Variants in SH3RF1 observed in about 807,000 individuals in gnomAD.
SH3RF1 encodes the protein SH3 domain containing ring finger 1.
In SH3RF1, 32 loss-of-function variants were observed where a neutral mutation model predicts 74.0. The ratio of observed to expected loss-of-function variants is 0.43; its 90% CI spans 0.33 to 0.58. SH3RF1 has a LOEUF of 0.58. Ranked by LOEUF, SH3RF1 falls within the 20% of genes least tolerant of loss-of-function variation. The pLI is 0.05. For missense variants in SH3RF1, 954 were observed against 1,130.9 expected, an observed-to-expected ratio of 0.84 and a Z score of 2.24; for synonymous variants, 396 against 439.6, an observed-to-expected ratio of 0.90 and a Z score of 1.24.
At chr4:169,153,520 T>C (rs1460507552) in intron 4 of SH3RF1, among the ~76,000 whole-genome samples, 1 of 152,206 alleles carries the variant, frequency 6.6e-6, no homozygotes, top group Non-Finnish European at 1.5e-5. Context: ...TTTTTATTCC[T>C]ATAGTTTGCT....
At chr4:169,136,869 A>G (rs1362483839) in intron 4 of SH3RF1, among the ~76,000 whole-genome samples, 1 of 152,172 alleles carries the variant, frequency 6.6e-6, no homozygotes, top group Non-Finnish European at 1.5e-5. Context: ...GTAAAAGACA[A>G]TTTTCTTAAG....
At chr4:169,185,066 G>A (rs1734580884) in intron 2 of SH3RF1, among the ~76,000 whole-genome samples, 1 of 152,188 alleles carries the variant, frequency 6.6e-6, no homozygotes, top group African/African-American at 2.4e-5. Context: ...AAAGGACAAG[G>A]TTTAATAGGA....
intron 5 of SH3RF1, among the ~76,000 whole-genome samples, chr4:169,131,506 C>CT (rs532898001): frequency 5.1e-4 from 77 of 152,296 alleles, no homozygotes; most frequent in Admixed American, 1.7e-3. Flanking sequence ...GAACCAAAGT[C>CT]TATTTCCAAC....
chr4:169,200,854 A>T (rs1734895951), intron 2 of SH3RF1, among the ~76,000 whole-genome samples: 1 of 152,182 alleles, frequency 6.6e-6, no homozygotes, highest in Admixed American at 6.6e-5. Context: ...AGATGAGTAA[A>T]CTGGTAAGTT....
At chr4:169,121,950 C>T (rs189218514) in intron 7 of SH3RF1, 150 bp downstream of exon 7, 3 of 938,986 alleles carry the variant, frequency 3.2e-6, no homozygotes, top group East Asian at 5.3e-5. Context: ...TAGTTACATG[C>T]ATGACCAGGT....
intron 2 of SH3RF1, among the ~76,000 whole-genome samples, chr4:169,181,772 A>G (rs1734515727): frequency 6.6e-6 from 1 of 152,120 alleles, no homozygotes; most frequent in African/African-American, 2.4e-5. Flanking sequence ...CTCCTTTGGA[A>G]CTCTTCTAAG....
intron 5 of SH3RF1, 80 bp downstream of exon 5, chr4:169,136,238 C>G (rs1263358987): frequency 7.8e-7 from 1 of 1,286,960 alleles, no homozygotes. Flanking sequence ...CAATGTTTGT[C>G]AGCCAGTGAG....
chr4:169,111,951 T>C (rs1294263937), intron 10 of SH3RF1, among the ~76,000 whole-genome samples: 1 of 152,052 alleles, frequency 6.6e-6, no homozygotes, highest in East Asian at 1.9e-4. Flanking sequence ...GACTTCCAAA[T>C]AAAATACTGT....
Position 169,132,349 on chromosome 4 carries a change from A to G in SH3RF1, c.1069-2193T>C, listed in dbSNP as rs138651269. 2.5e-3 allele frequency among the ~76,000 whole-genome samples: 383 copies of G among 152,284 alleles called. 1 individual carries two copies. The highest frequency in any genetic ancestry group is 3.5e-3 in the Non-Finnish European group (236 of 68,008). On this transcript the variant is annotated intron_variant, in intron 5 of 11. Transcript: ENST00000284637. ...TCATGGTTTTGGGATAAGTCCCTTC[A>G]TGTCTCTAGGCCCCTGTGAGCAGGT... is the stretch of plus-strand genomic sequence containing the variant.
intron 2 of SH3RF1, among the ~76,000 whole-genome samples, chr4:169,208,149 G>GTT (rs5863986): frequency 1.5e-3 from 223 of 146,384 alleles, no homozygotes; most frequent in East Asian, 2.0e-3. Flanking sequence ...AAGTCCTCAA[G>GTT]TTTTTTTTTT....
intron 2 of SH3RF1, among the ~76,000 whole-genome samples, chr4:169,192,477 C>G (rs1734736175): frequency 6.6e-6 from 1 of 151,980 alleles, no homozygotes; most frequent in South Asian, 2.1e-4. Flanking sequence ...ATCAAAAAAT[C>G]AAAAAATAGT....
intron 2 of SH3RF1, among the ~76,000 whole-genome samples, chr4:169,247,086 T>C (rs1338805441): frequency 6.6e-6 from 1 of 152,212 alleles, no homozygotes; most frequent in African/African-American, 2.4e-5. Flanking sequence ...CAAGGGGCTA[T>C]TTAGCAGAGT....
chr4:169,249,684 A>G (rs1561064458), intron 2 of SH3RF1, among the ~76,000 whole-genome samples: 1 of 152,212 alleles, frequency 6.6e-6, no homozygotes, highest in Non-Finnish European at 1.5e-5. Context: ...AGACACACAG[A>G]GCAACAGTAG....
intron 2 of SH3RF1, among the ~76,000 whole-genome samples, chr4:169,174,569 G>A (rs886984087): frequency 6.6e-6 from 1 of 152,122 alleles, no homozygotes; most frequent in Middle Eastern, 3.2e-3. Flanking sequence ...TCCTTTGGGT[G>A]TTTTTCTTTC....
chr4:169,201,624 T>C (rs1158593235), intron 2 of SH3RF1, among the ~76,000 whole-genome samples: 1 of 152,196 alleles, frequency 6.6e-6, no homozygotes, highest in Non-Finnish European at 1.5e-5. Flanking sequence ...GCATTTTGTC[T>C]CTTTAGGCAG....
chr4:169,198,405 T>C (rs1390712835), intron 2 of SH3RF1, among the ~76,000 whole-genome samples: 1 of 152,154 alleles, frequency 6.6e-6, no homozygotes, highest in Non-Finnish European at 1.5e-5. Flanking sequence ...TAATTTTCCA[T>C]AGGACTAGTC....
chr4:169,139,350 C>T (rs1733748411), intron 4 of SH3RF1, among the ~76,000 whole-genome samples: 1 of 152,210 alleles, frequency 6.6e-6, no homozygotes, highest in Non-Finnish European at 1.5e-5. Context: ...AAAAATAACA[C>T]AGTGCTTTCC....
intron 2 of SH3RF1, among the ~76,000 whole-genome samples, chr4:169,197,012 T>A (rs993670997): frequency 3.3e-5 from 5 of 152,140 alleles, no homozygotes; most frequent in African/African-American, 1.2e-4. Context: ...TAATTTATTA[T>A]TATTATTTTT....
intron 4 of SH3RF1, among the ~76,000 whole-genome samples, chr4:169,152,575 T>C (rs976812576): frequency 6.6e-6 from 1 of 152,076 alleles, no homozygotes; most frequent in African/African-American, 2.4e-5. Flanking sequence ...CCGTCTCTAC[T>C]AAAAACACAA....
Sources: gnomAD v4.1 joint callset for allele counts (sites outside exome capture counted in the v4.1 genomes callset) on GRCh38, gnomAD v4.1.1 for gene constraint, MANE v1.5 for transcripts, NCBI Gene and HGNC (gene_info 2026-07-23, HGNC 2026-07-21) for gene names.